The following SUSD5 variants were observed in gnomAD, a reference collection of about 807,000 sequenced individuals.
SUSD5 encodes sushi domain-containing protein 5.
A neutral mutation model predicts 29.5 loss-of-function variants in SUSD5; 33 were observed. The ratio of observed to expected loss-of-function variants is 1.12; its 90% CI spans 0.85 to 1.49. The LOEUF (loss-of-function observed/expected upper bound fraction) is 1.49, where lower values mean the gene tolerates loss of function less well. SUSD5 is among the 40% of genes most tolerant of loss of function. SUSD5 has a pLI of 0.00. For synonymous variants in SUSD5, 308 were observed against 325.3 expected, an observed-to-expected ratio of 0.95 and a Z score of 0.57; for missense variants, 776 against 800.6, an observed-to-expected ratio of 0.97 and a Z score of 0.37.
intron 3 of SUSD5, among the ~76,000 whole-genome samples, chr3:33,182,799 T>G (rs1191588705): frequency 6.6e-6 from 1 of 152,178 alleles, no homozygotes; most frequent in Non-Finnish European, 1.5e-5. Flanking sequence ...TTCCTTTTTG[T>G]TTTTTGAGAC....
intron 1 of SUSD5, 38 bp downstream of exon 1, chr3:33,218,648 C>CCCG: frequency 7.9e-7 from 1 of 1,260,354 alleles, no homozygotes; most frequent in African/African-American, 1.5e-5. Context: ...CCGGACCCCA[C>CCCG]GCTCCACCCC....
In SUSD5 at chr3:33,152,713, G is replaced by C; in HGVS notation, c.*29C>G. 2 of 1,562,626 alleles carry C rather than the reference G, an allele frequency of 1.3e-6. No homozygotes were observed. Among genetic ancestry groups the C allele is most frequent in the Non-Finnish European group, 1.7e-6 (2 of 1,153,254 alleles). ...TGTCACAGTTATTTTCCTCCCAAGT[G>C]GCTTTGGGAGAACCCACTCCAAAGG... On this transcript the variant is annotated 3_prime_UTR_variant, in exon 5 of 5. Transcript: ENST00000309558.
rs1365526895 is a variant in SUSD5, at chr3:33,153,019, G to A, written c.1613C>T (p.Ser538Phe). ...EIQDSFPYLL[S>F]EDFFGQEGPG... ...GCCTTCCTGTCCAAAGAAGTCTTCA[G>A]ACAGCAGGTATGGGAAGCTATCCTG... Residue 538 changes from serine to phenylalanine, a missense_variant, in exon 5 of 5, where the codon TCT becomes TTT. Ser to Phe is a radical substitution (Grantham distance 155, BLOSUM62 -2). Transcript: ENST00000309558. 2 of 1,613,756 alleles carry A rather than the reference G, an allele frequency of 1.2e-6. No individual in the cohort carries two copies. Among genetic ancestry groups the A allele is most frequent in the Non-Finnish European group, 8.5e-7 (1 of 1,179,820 alleles).
chr3:33,157,620 A>G (rs1434695112), intron 4 of SUSD5, among the ~76,000 whole-genome samples: 4 of 152,122 alleles, frequency 2.6e-5, no homozygotes, highest in Admixed American at 1.3e-4. Flanking sequence ...CTCTCTTCCT[A>G]TGAAAAGATG....
chr3:33,175,618 T>G (rs55894734), intron 3 of SUSD5, among the ~76,000 whole-genome samples: 20,137 of 151,952 alleles, frequency 0.13, 1,576 homozygotes, highest in South Asian at 0.25. Flanking sequence ...TACAAATACA[T>G]ACATATTTCT....
intron 2 of SUSD5, among the ~76,000 whole-genome samples, chr3:33,209,014 C>T (rs1166013358): frequency 6.6e-6 from 1 of 152,140 alleles, no homozygotes; most frequent in Non-Finnish European, 1.5e-5. Flanking sequence ...GTAATGAATT[C>T]TCTCACCTTT....
chr3:33,199,098 A>G (rs1354409251), intron 3 of SUSD5, among the ~76,000 whole-genome samples: 1 of 152,180 alleles, frequency 6.6e-6, no homozygotes, highest in Non-Finnish European at 1.5e-5. Flanking sequence ...CACTACTAAA[A>G]AAATCAAAAT....
chr3:33,195,720 A>C (rs902980788), intron 3 of SUSD5, among the ~76,000 whole-genome samples: 2 of 148,618 alleles, frequency 1.3e-5, no homozygotes, highest in African/African-American at 2.5e-5. Flanking sequence ...TCATGGGGAG[A>C]TATAGATCTA....
At chr3:33,198,331 A>C (rs2125629019) in intron 3 of SUSD5, among the ~76,000 whole-genome samples, 1 of 152,294 alleles carries the variant, frequency 6.6e-6, no homozygotes, top group Non-Finnish European at 1.5e-5. Context: ...CAAGATTCAA[A>C]CCCAGGGATT....
At position 33,153,472 on chromosome 3, in the gene SUSD5, T is replaced by C; in HGVS notation, c.1160A>G (p.Glu387Gly). Residue 387 changes from glutamate to glycine, a missense_variant, in exon 5 of 5, where the codon GAA becomes GGA. By Grantham distance (98) the Glu-to-Gly change is moderately conservative (BLOSUM62 -2). Transcript: ENST00000309558. ...CCCTCTGTCCCCATCTTCTTCCTCT[T>C]CTGCCTCTGTCTTCCTCCAAGCCCC... ...TEGAWRKTEA[E>G]EEEDGDRGDG... 1 of 1,614,098 alleles carries C rather than the reference T, an allele frequency of 6.2e-7. No individual in the cohort carries two copies.
In SUSD5 at chr3:33,152,284, G is replaced by A. The variant is rs1275911577; in HGVS notation, c.*458C>T. On this transcript the variant is annotated 3_prime_UTR_variant, in exon 5 of 5. Coordinates refer to ENST00000309558, the MANE Select transcript of SUSD5 (RefSeq NM_015551.2). ...AATATAAAAAAATTAGCTGGGCATG[G>A]TGGTGCATGCCTGTAATCCCACCTA... 6.4e-6 allele frequency: 1 copy of A among 155,892 alleles called. No individual in the cohort carries two copies. Among genetic ancestry groups the A allele is most frequent in the African/African-American group, 2.4e-5 (1 of 41,452 alleles). 9.7% of individuals were successfully genotyped at this position (155,892 alleles called of 1,614,324 possible).
chr3:33,208,383 T>C (rs1214223240), intron 2 of SUSD5, among the ~76,000 whole-genome samples: 3 of 152,180 alleles, frequency 2.0e-5, no homozygotes, highest in Admixed American at 2.0e-4. Context: ...GTTCTAAATA[T>C]ATGATAATTT....
chr3:33,206,153 C>G (rs1041788087), intron 3 of SUSD5, among the ~76,000 whole-genome samples: 2 of 152,118 alleles, frequency 1.3e-5, no homozygotes, highest in Non-Finnish European at 2.9e-5. Context: ...GCAGGTGGAT[C>G]ACCTGAGGTT....
At chr3:33,165,677 C>T (rs571703442) in intron 4 of SUSD5, among the ~76,000 whole-genome samples, 3 of 152,126 alleles carry the variant, frequency 2.0e-5, no homozygotes, top group African/African-American at 7.2e-5. Flanking sequence ...TCAGGCTTGC[C>T]TAAAATTTCA....
Position 33,153,203 on chromosome 3 carries a change from T to C in SUSD5, c.1429A>G (p.Ile477Val). The change falls in exon 5 of 5, where the codon ATC (isoleucine) becomes GTC (valine). Residue 477 changes from isoleucine (I) to valine (V), a missense_variant. Ile to Val is a conservative substitution (Grantham distance 29). Transcript: ENST00000309558. ...GTGGCCATGGGAGATTCCTCTGTGATGAATCTCCAGGGTAGAGTTGACTGG... is the reference window on the plus strand; with the variant it reads ...GTGGCCATGGGAGATTCCTCTGTGACGAATCTCCAGGGTAGAGTTGACTGG... The part of the protein sequence containing the change: ...KYQSTLPWRF[I>V]TEESPMATLS... 2 of 1,613,806 alleles carry C rather than the reference T, an allele frequency of 1.2e-6. No homozygotes were observed. Among genetic ancestry groups the C allele is most frequent in the Non-Finnish European group, 1.7e-6 (2 of 1,179,828 alleles).
chr3:33,157,549 A>G (rs1035896460), intron 4 of SUSD5, among the ~76,000 whole-genome samples: 1 of 152,206 alleles, frequency 6.6e-6, no homozygotes, highest in African/African-American at 2.4e-5. Context: ...ACAGACTGCA[A>G]TAATGGCCAC....
intron 4 of SUSD5, among the ~76,000 whole-genome samples, chr3:33,156,996 G>T (rs149024191): frequency 5.7e-4 from 87 of 152,312 alleles, no homozygotes; most frequent in African/African-American, 2.0e-3. Context: ...ACCCCATTGT[G>T]TCCTGTTCAT....
chr3:33,172,011 T>A (rs1469676656), intron 4 of SUSD5, among the ~76,000 whole-genome samples: 3 of 152,160 alleles, frequency 2.0e-5, no homozygotes, highest in African/African-American at 7.2e-5. Context: ...TCCTGCCAAA[T>A]GATGGGATGT....
At chr3:33,161,611 TG>T (rs2031189895) in intron 4 of SUSD5, among the ~76,000 whole-genome samples, 1 of 152,092 alleles carries the variant, frequency 6.6e-6, no homozygotes, top group African/African-American at 2.4e-5. Flanking sequence ...CCCATGTACC[TG>T]GTATTTATAA....
Sources: gnomAD v4.1 joint callset for allele counts (sites outside exome capture counted in the v4.1 genomes callset) on GRCh38, gnomAD v4.1.1 for gene constraint, MANE v1.5 for transcripts, NCBI Gene and HGNC (gene_info 2026-07-23, HGNC 2026-07-21) for gene names.